The following BCAS1 variants were observed in gnomAD, a reference collection of about 807,000 sequenced individuals.
The protein encoded by BCAS1 is breast carcinoma-amplified sequence 1.
BCAS1 carries 46 observed loss-of-function variants against 65.4 expected under a neutral mutation model. The observed-to-expected ratio is 0.70, with a 90% confidence interval of 0.55 to 0.90. BCAS1 has a LOEUF of 0.90. BCAS1 is among the 40% of genes least tolerant of loss of function. BCAS1 has a pLI of 0.00. For missense variants in BCAS1, 793 were observed against 771.2 expected (o/e 1.03, Z -0.33); for synonymous variants, 298 against 293.5 (o/e 1.02, Z -0.16).
chr20:53,997,141 G>GTCTT, intron 4 of BCAS1, among the ~76,000 whole-genome samples: 1 of 152,172 alleles, frequency 6.6e-6, no homozygotes, highest in Non-Finnish European at 1.5e-5. Flanking sequence ...AATCTTTGCT[G>GTCTT]TGTCAGCAGT....
intron 12 of BCAS1, among the ~76,000 whole-genome samples, chr20:53,952,969 T>C (rs914834526): frequency 2.0e-5 from 3 of 151,978 alleles, no homozygotes; most frequent in Non-Finnish European, 4.4e-5. Flanking sequence ...TATAATATAA[T>C]GTAAATAAAA....
chr20:54,000,818 T>C (rs1013630608), intron 4 of BCAS1, among the ~76,000 whole-genome samples: 10 of 152,246 alleles, frequency 6.6e-5, no homozygotes, highest in African/African-American at 2.4e-4. Context: ...TTTTTATCTC[T>C]AGAAATTTGA....
At chr20:54,026,806 TC>T (rs976838327) in intron 4 of BCAS1, among the ~76,000 whole-genome samples, 1 of 152,250 alleles carries the variant, frequency 6.6e-6, no homozygotes, top group African/African-American at 2.4e-5. Context: ...GCTGGAATGT[TC>T]CCTGGGCCAT....
chr20:54,045,542 C>T (rs568830204), intron 3 of BCAS1, among the ~76,000 whole-genome samples: 1 of 152,306 alleles, frequency 6.6e-6, no homozygotes, highest in Admixed American at 6.5e-5. Flanking sequence ...GCCTGTTAGA[C>T]CACATAAATG....
rs1460615556 is a variant in BCAS1, at chr20:53,943,770, A to C, written c.*1152T>G. On this transcript the variant is annotated 3_prime_UTR_variant, in exon 13 of 13. Coordinates refer to ENST00000688948, the MANE Select transcript of BCAS1 (RefSeq NM_001366298.2). Reference sequence around the variant, plus strand: ...CAGAGCACATCCTGAGAACATTAGGAATGACAGACACACTTGAGATAAGTG... The same window carrying C: ...CAGAGCACATCCTGAGAACATTAGGCATGACAGACACACTTGAGATAAGTG... 1 of 152,178 alleles carries C rather than the reference A, an allele frequency of 6.6e-6. No homozygotes were observed. Among genetic ancestry groups the C allele is most frequent in the Non-Finnish European group, 1.5e-5 (1 of 68,042 alleles). 9.4% of individuals were successfully genotyped at this position (152,178 alleles called of 1,614,324 possible).
Position 54,015,154 on chromosome 20 carries a change from T to TC in BCAS1, c.723+13237dup, listed in dbSNP as rs546785721. 2.9e-3 allele frequency among the ~76,000 whole-genome samples: 444 copies of TC among 151,890 alleles called. 2 individuals are homozygous for TC. The highest frequency in any genetic ancestry group is 0.01 in the African/African-American group (426 of 41,406). On this transcript the variant is annotated intron_variant, in intron 4 of 12. Coordinates refer to ENST00000688948, the MANE Select transcript of BCAS1 (RefSeq NM_001366298.2). ...TTCAAGTGATTCTCCTGCCTCAGCC[T>TC]CCGAGTAACTGGGATTACAGGCATG...
At chr20:54,049,411 T>C (rs190688560) in intron 3 of BCAS1, among the ~76,000 whole-genome samples, 84 of 152,306 alleles carry the variant, frequency 5.5e-4, no homozygotes, top group Non-Finnish European at 6.3e-4. Context: ...ATGTCATAAA[T>C]TTGCTAGAAA....
intron 4 of BCAS1, among the ~76,000 whole-genome samples, chr20:54,022,533 A>T (rs1314362306): frequency 6.6e-6 from 1 of 152,206 alleles, no homozygotes; most frequent in Non-Finnish European, 1.5e-5. Context: ...CCTTTTGTGG[A>T]TGAAAACACA....
At chr20:53,947,049 T>G (rs1245418376) in intron 12 of BCAS1, among the ~76,000 whole-genome samples, 1 of 152,164 alleles carries the variant, frequency 6.6e-6, no homozygotes, top group Admixed American at 6.5e-5. Flanking sequence ...TATAGTATAT[T>G]GTATTTACTA....
At chr20:54,037,110 T>A (rs2146174951) in intron 3 of BCAS1, among the ~76,000 whole-genome samples, 1 of 151,458 alleles carries the variant, frequency 6.6e-6, no homozygotes, top group African/African-American at 2.4e-5. Context: ...TGTATTAGTC[T>A]ATTTCCATAC....
At chr20:54,042,572 A>G (rs2092019437) in intron 3 of BCAS1, among the ~76,000 whole-genome samples, 1 of 152,176 alleles carries the variant, frequency 6.6e-6, no homozygotes, top group Admixed American at 6.5e-5. Flanking sequence ...ATAAATAGAC[A>G]TGCCTGGGAT....
In BCAS1 at chr20:54,028,956, A is replaced by G; in HGVS notation, c.159T>C (p.Ser53=). ...QHLEEVDLGI[S]VKTDNVATSS... ...AAGTGGCCACATTATCCGTCTTGAC[A>G]CTTATTCCCAAGTCGACTGTAAACA... is the stretch of plus-strand genomic sequence containing the variant. Residue 53 remains serine, a synonymous_variant, in exon 4 of 13, where the codon AGT becomes AGC. Transcript: ENST00000688948. 3 of 1,609,056 alleles carry G rather than the reference A, an allele frequency of 1.9e-6. No homozygotes were observed. Among genetic ancestry groups the G allele is most frequent in the Non-Finnish European group, 2.5e-6 (3 of 1,177,746 alleles).
chr20:53,972,461 C>T (rs1337339307), intron 9 of BCAS1, among the ~76,000 whole-genome samples: 1 of 152,188 alleles, frequency 6.6e-6, no homozygotes, highest in Non-Finnish European at 1.5e-5. Flanking sequence ...CAAACTTTTC[C>T]TGCAAAGTCC....
chr20:54,026,839 C>T lies in BCAS1; in HGVS notation c.723+1553G>A, dbSNP rs75300730. On this transcript the variant is annotated intron_variant, in intron 4 of 12. Transcript: ENST00000688948. ...CCATGGAGCCCAGTTCTCCTGGCAT[C>T]TGGCATCTCCCCCACACTCTGCTCC... Among the ~76,000 whole-genome samples the T allele has an allele frequency of 8.2e-4, 125 of 152,370 alleles. 2 individuals carry two copies. The East Asian group carries it at 0.021, about 26-fold the overall frequency.
intron 4 of BCAS1, among the ~76,000 whole-genome samples, chr20:54,006,213 C>T (rs926000982): frequency 4.6e-5 from 7 of 152,178 alleles, no homozygotes; most frequent in African/African-American, 1.7e-4. Context: ...TCAGAGAGAA[C>T]AATCTGCAAG....
chr20:53,973,530 G>A (rs568811576), intron 9 of BCAS1, among the ~76,000 whole-genome samples: 5 of 152,182 alleles, frequency 3.3e-5, no homozygotes, highest in South Asian at 2.1e-4. Flanking sequence ...TCTGAGCTGC[G>A]GGAAACACAG....
intron 11 of BCAS1, among the ~76,000 whole-genome samples, chr20:53,953,922 C>T (rs1175385499): frequency 6.6e-6 from 1 of 151,984 alleles, no homozygotes; most frequent in Admixed American, 6.6e-5. Flanking sequence ...TTATGCTATC[C>T]CAGAAAGCAC....
chr20:54,029,337 G>A, intron 3 of BCAS1: 4 of 616,220 alleles, frequency 6.5e-6, no homozygotes, highest in Non-Finnish European at 8.1e-6. Context: ...CTTGGGTTCT[G>A]GAGCTAGAAC....
At chr20:53,963,484 G>GAA (rs11484330) in intron 10 of BCAS1, among the ~76,000 whole-genome samples, 2 of 141,730 alleles carry the variant, frequency 1.4e-5, no homozygotes, top group African/African-American at 2.6e-5. Context: ...GTCTCAAAAA[G>GAA]AAAAAAAAAA....
Sources: gnomAD v4.1 joint callset for allele counts (sites outside exome capture counted in the v4.1 genomes callset) on GRCh38, gnomAD v4.1.1 for gene constraint, MANE v1.5 for transcripts, NCBI Gene and HGNC (gene_info 2026-07-23, HGNC 2026-07-21) for gene names.